The following PLXDC2 variants were observed in gnomAD, a reference collection of about 807,000 sequenced individuals.
PLXDC2 encodes plexin domain-containing protein 2.
A neutral mutation model predicts 68.9 loss-of-function variants in PLXDC2; 40 were observed. The observed-to-expected ratio is 0.58, with a 90% CI of 0.45 to 0.76. The LOEUF (loss-of-function observed/expected upper bound fraction) is 0.76, where lower values mean the gene tolerates loss of function less well. Among genes scored for constraint, PLXDC2 ranks in the 30% least tolerant of loss-of-function variants. PLXDC2 has a pLI of 0.00. For synonymous variants in PLXDC2, 243 were observed against 234.2 expected (o/e 1.04, Z -0.34); for missense variants, 644 against 661.9 (o/e 0.97, Z 0.30).
At chr10:20,069,843 A>T (rs1339379471) in intron 4 of PLXDC2, among the ~76,000 whole-genome samples, 1 of 152,198 alleles carries the variant, frequency 6.6e-6, no homozygotes, top group Admixed American at 6.5e-5. Context: ...AAGAAAAAAC[A>T]AATGAAAACC....
At chr10:20,186,272 A>G (rs569974941) in intron 9 of PLXDC2, among the ~76,000 whole-genome samples, 17 of 152,068 alleles carry the variant, frequency 1.1e-4, no homozygotes, top group South Asian at 4.1e-4. Flanking sequence ...GTCATTTCTA[A>G]TTGAAGGCGT....
chr10:20,223,388 C>T (rs1835243042), intron 12 of PLXDC2, among the ~76,000 whole-genome samples: 1 of 150,544 alleles, frequency 6.6e-6, no homozygotes, highest in Admixed American at 6.6e-5. Flanking sequence ...ACTTGGCTCA[C>T]TGCAGCCTCT....
chr10:19,904,471 A>G (rs1383995885), intron 1 of PLXDC2, among the ~76,000 whole-genome samples: 1 of 152,004 alleles, frequency 6.6e-6, no homozygotes, highest in Non-Finnish European at 1.5e-5. Context: ...CACTCCCACC[A>G]TGCCCCAACC....
intron 4 of PLXDC2, among the ~76,000 whole-genome samples, chr10:20,137,447 T>C (rs1833948510): frequency 6.6e-6 from 1 of 152,218 alleles, no homozygotes; most frequent in South Asian, 2.1e-4. Context: ...CCTATGTCAA[T>C]TTACATCTCA....
In PLXDC2 at chr10:20,068,061, T is replaced by C. The variant is rs185302844; in HGVS notation, c.472-109T>C. On this transcript the variant is annotated intron_variant, in intron 3 of 13. Transcript: ENST00000377252. ...AGGTTTTAAAAGAGAACTACAATAA[T>C]TATGGGGTAAAGTAGAAGCATCATT... 3.3e-5 allele frequency: 29 copies of C among 876,210 alleles called. No individual in the cohort carries two copies. The Admixed American group carries it at 6.5e-4, about 20-fold the overall frequency. 54.3% of individuals were successfully genotyped at this position (876,210 alleles called of 1,614,324 possible). A position where few individuals can be genotyped will look rare whatever the true frequency, so the allele number is the denominator to read the frequency against.
rs71200986 is a variant in PLXDC2 at position 20,149,229 on chromosome 10, C to CTTTTTTTTTTTTTTTTTTTTTT, written c.783+1332_783+1353dup. On this transcript the variant is annotated intron_variant, in intron 6 of 13. Coordinates refer to ENST00000377252, the MANE Select transcript of PLXDC2 (RefSeq NM_032812.9). ...ATTTTTCTTTCTTTTTTTTTCTTTT[C>CTTTTTTTTTTTTTTTTTTTTTT]TTTTTTTTTTTTTTTTTTTTTTTTT... Among the ~76,000 whole-genome samples, 16 of 34,940 alleles carry CTTTTTTTTTTTTTTTTTTTTTT rather than the reference C, an allele frequency of 4.6e-4. 1 individual carries two copies. Among genetic ancestry groups the CTTTTTTTTTTTTTTTTTTTTTT allele is most frequent in the African/African-American group, 8.3e-4 (7 of 8,434 alleles). The allele number at this position is 34,940 out of a possible 152,430, so 22.9% of individuals were successfully genotyped here.
At position 20,284,267 on chromosome 10, in the gene PLXDC2, G is replaced by T. The variant is rs1836118644; in HGVS notation, c.*4448G>T. 1 of 149,714 alleles carries T rather than the reference G, an allele frequency of 6.7e-6. No individual in the cohort carries two copies. The highest frequency in any genetic ancestry group is 2.0e-4 in the East Asian group (1 of 5,060). 9.3% of individuals were successfully genotyped at this position (149,714 alleles called of 1,614,324 possible). A position where few individuals can be genotyped will look rare whatever the true frequency, so the allele number is the denominator to read the frequency against. On this transcript the variant is annotated 3_prime_UTR_variant, in exon 14 of 14. Coordinates refer to ENST00000377252, the MANE Select transcript of PLXDC2 (RefSeq NM_032812.9). ...AGCGTCATATGCCAGAGTCATGGCA[G>T]ATCCAGCCTGGACAACATAGTGAGA...
At chr10:19,909,667 T>C (rs1057326651) in intron 1 of PLXDC2, among the ~76,000 whole-genome samples, 1 of 152,194 alleles carries the variant, frequency 6.6e-6, no homozygotes, top group Admixed American at 6.5e-5. Context: ...TTCAGTGTAG[T>C]AGGGATATCA....
chr10:19,913,527 C>G (rs867752141), intron 1 of PLXDC2, among the ~76,000 whole-genome samples: 3 of 152,194 alleles, frequency 2.0e-5, no homozygotes, highest in African/African-American at 4.8e-5. Flanking sequence ...TTAGATGTTT[C>G]AAATTTCAAC....
chr10:20,220,838 C>CCT (rs1835200412), intron 12 of PLXDC2, among the ~76,000 whole-genome samples: 1 of 116,520 alleles, frequency 8.6e-6, no homozygotes, highest in Non-Finnish European at 1.7e-5. Context: ...GCTCTTAACA[C>CCT]TTTTTTTTTT....
intron 7 of PLXDC2, among the ~76,000 whole-genome samples, chr10:20,172,727 G>A (rs1834464836): frequency 6.6e-6 from 1 of 152,068 alleles, no homozygotes; most frequent in Admixed American, 6.6e-5. Flanking sequence ...AAATTTGAAG[G>A]TTGTTTTAGG....
intron 13 of PLXDC2, among the ~76,000 whole-genome samples, chr10:20,257,541 C>A (rs577330793): frequency 7.9e-5 from 12 of 152,270 alleles, no homozygotes; most frequent in African/African-American, 2.9e-4. Context: ...ATGACCACAG[C>A]CCTTTTATGA....
chr10:20,023,096 A>G (rs1835340268), intron 2 of PLXDC2, among the ~76,000 whole-genome samples: 1 of 146,966 alleles, frequency 6.8e-6, no homozygotes, highest in Non-Finnish European at 1.5e-5. Context: ...ATGTATATAT[A>G]TAATATTTTA....
rs115437665 is a variant in PLXDC2, at chr10:19,889,760, C to T, written c.112+72569C>T. On this transcript the variant is annotated intron_variant, in intron 1 of 13. Transcript: ENST00000377252. ...CAGGAAAAACATAGATCAAGGGAGG[C>T]CTTGACATTTTGTACTCTGAGATGA... Among the ~76,000 whole-genome samples, 711 of 152,222 alleles carry T rather than the reference C, an allele frequency of 4.7e-3. 8 individuals carry two copies. The highest frequency in any genetic ancestry group is 0.017 in the African/African-American group (690 of 41,532).
intron 4 of PLXDC2, among the ~76,000 whole-genome samples, chr10:20,121,282 A>G (rs1564322469): frequency 6.6e-6 from 1 of 152,198 alleles, no homozygotes; most frequent in Non-Finnish European, 1.5e-5. Flanking sequence ...AGGCTAAAAC[A>G]GGTCAAGTTG....
At position 20,089,533 on chromosome 10, in the gene PLXDC2, T is replaced by C. The variant is rs997081121; in HGVS notation, c.541+21294T>C. On this transcript the variant is annotated intron_variant, in intron 4 of 13. Coordinates refer to ENST00000377252, the MANE Select transcript of PLXDC2 (RefSeq NM_032812.9). ...GAACATTATATACAAGTCCTTGATA[T>C]TAGGAGAAGGTTAAACTAACTTTAT... Among the ~76,000 whole-genome samples the C allele has an allele frequency of 2.0e-5, 3 of 152,288 alleles. No homozygotes were observed. In the East Asian group the frequency reaches 5.8e-4, roughly 29 times the overall value.
At chr10:20,167,802 C>T (rs984765996) in intron 7 of PLXDC2, among the ~76,000 whole-genome samples, 4 of 152,000 alleles carry the variant, frequency 2.6e-5, no homozygotes, top group African/African-American at 9.7e-5. Context: ...AGTAGATCAC[C>T]ATTACTATAT....
intron 1 of PLXDC2, among the ~76,000 whole-genome samples, chr10:19,928,278 A>AT (rs1833572083): frequency 6.6e-6 from 1 of 152,188 alleles, no homozygotes; most frequent in Admixed American, 6.6e-5. Context: ...TCTTTATGAT[A>AT]TAGTGACTTC....
intron 1 of PLXDC2, among the ~76,000 whole-genome samples, chr10:19,944,929 G>A (rs145528823): frequency 0.011 from 1,730 of 152,268 alleles, 34 homozygotes; most frequent in African/African-American, 0.038. Flanking sequence ...TCCAGCCGGG[G>A]CAACAAGAGC....
Sources: gnomAD v4.1 joint callset for allele counts (sites outside exome capture counted in the v4.1 genomes callset) on GRCh38, gnomAD v4.1.1 for gene constraint, MANE v1.5 for transcripts, NCBI Gene and HGNC (gene_info 2026-07-23, HGNC 2026-07-21) for gene names.